The following HAAO variants were observed in gnomAD, a reference collection of about 807,000 sequenced individuals.
HAAO encodes the protein 3-hydroxyanthranilate oxygenase.
Under a neutral mutation model 46.2 loss-of-function variants are expected in HAAO, and 49 were observed. The observed-to-expected ratio is 1.06, with a 90% CI of 0.84 to 1.34. The LOEUF is 1.34. Among genes scored for constraint, HAAO ranks in the 40% most tolerant of loss-of-function variants. The pLI, the probability that HAAO is intolerant of heterozygous loss-of-function variation, is 0.00. For missense variants in HAAO, 408 were observed against 364.5 expected, an observed-to-expected ratio of 1.12 and a Z score of -0.97; for synonymous variants, 157 against 145.2, an observed-to-expected ratio of 1.08 and a Z score of -0.58.
Position 42,783,312 on chromosome 2 carries a change from A to G in HAAO, c.350+2T>C. 6.3e-7 allele frequency: 1 copy of G among 1,588,164 alleles called. No individual in the cohort carries two copies. The highest frequency in any genetic ancestry group is 8.6e-7 in the Non-Finnish European group (1 of 1,158,534). The stretch of plus-strand genomic sequence containing the variant: ...TGCCCCAGCCCTCCAGACAGAATTT[A>G]CCTGAGCCCATCTAGCTCGGTCTCC... On this transcript the variant is annotated splice_donor_variant, in intron 4 of 9. Transcript: ENST00000294973. LOFTEE classifies it high-confidence loss of function.
Position 42,770,534 on chromosome 2 carries a change from G to A in HAAO, c.399C>T (p.Tyr133=), listed in dbSNP as rs201129834. Residue 133 remains tyrosine, a synonymous_variant, in exon 5 of 10, where the codon TAC becomes TAT. Coordinates refer to ENST00000294973, the MANE Select transcript of HAAO (RefSeq NM_012205.3). ...CCAACTGCGTGCCGAGGTCCTTGCA[G>A]TAGAACCACTTCTCAAACAGAACGT... ...TMDVLFEKWF[Y]CKDLGTQLAP... is the part of the protein sequence containing the mutation. 3.2e-5 allele frequency: 50 copies of A among 1,553,474 alleles called. No individual in the cohort carries two copies. The East Asian group carries it at 9.0e-4, about 28-fold the overall frequency.
chr2:42,767,756 C>T (rs1395778782), intron 8 of HAAO, 79 bp from the exon 9 acceptor site: 1 of 1,533,276 alleles, frequency 6.5e-7, no homozygotes, highest in South Asian at 1.1e-5. Context: ...CTGCCTGGGC[C>T]CCAAGGCCCC....
intron 8 of HAAO, 54 bp from the exon 9 acceptor site, chr2:42,767,731 G>C (rs1670772895): frequency 1.9e-6 from 3 of 1,547,522 alleles, no homozygotes. Context: ...TCATCACCTG[G>C]GTGAATGTCT....
intron 4 of HAAO, chr2:42,782,845 A>G (rs1205835582): frequency 2.2e-6 from 1 of 453,040 alleles, no homozygotes; most frequent in South Asian, 1.6e-5. Context: ...GACAGAACCA[A>G]TGTTTATCTT....
At chr2:42,788,738 C>T (rs929524220) in intron 1 of HAAO, 131 bp from the exon 2 acceptor site, 4 of 693,828 alleles carry the variant, frequency 5.8e-6, no homozygotes, top group African/African-American at 5.3e-5. Flanking sequence ...GCCTCACTGT[C>T]CCTGTTCCCC....
intron 4 of HAAO, among the ~76,000 whole-genome samples, chr2:42,774,605 T>A (rs541059214): frequency 2.0e-5 from 3 of 152,046 alleles, no homozygotes; most frequent in African/African-American, 7.2e-5. Context: ...GAAAAGGAGG[T>A]TTTTTTCCTG....
chr2:42,767,710 A>G, intron 8 of HAAO, 33 bp from the exon 9 acceptor site: 1 of 1,557,654 alleles, frequency 6.4e-7, no homozygotes, highest in East Asian at 2.3e-5. Context: ...TCAAATGGAG[A>G]CTGTTGGGCC....
rs140165694 is a variant in HAAO, at chr2:42,769,718, T to A, written c.625A>T (p.Thr209Ser). ...PLSLFGDTYE[T>S]QVIAYGQGSS... Reference sequence around the variant, plus strand: ...ATGCCCCAGGACTACATTACCTGGGTCTCATAGGTGTCCCCAAACAGGCTG... The same window carrying A: ...ATGCCCCAGGACTACATTACCTGGGACTCATAGGTGTCCCCAAACAGGCTG... Residue 209 changes from threonine (T) to serine (S), a missense_variant, in exon 7 of 10, where the codon ACC becomes TCC. Coordinates refer to ENST00000294973, the MANE Select transcript of HAAO (RefSeq NM_012205.3). 5.4e-4 allele frequency: 874 copies of A among 1,610,096 alleles called. 1 individual carries two copies. The highest frequency in any genetic ancestry group is 6.6e-4 in the Non-Finnish European group (778 of 1,178,144).
intron 1 of HAAO, among the ~76,000 whole-genome samples, chr2:42,790,089 C>T (rs1432119291): frequency 6.6e-6 from 1 of 152,112 alleles, no homozygotes; most frequent in Non-Finnish European, 1.5e-5. Context: ...GAGGTCTGAG[C>T]CCCCAAACTA....
intron 4 of HAAO, among the ~76,000 whole-genome samples, chr2:42,780,561 A>C (rs1000404083): frequency 3.3e-5 from 5 of 151,986 alleles, no homozygotes; most frequent in African/African-American, 1.2e-4. Context: ...GTGACATTAG[A>C]ATAGAGAAGA....
chr2:42,769,737 C>T lies in HAAO; in HGVS notation c.606G>A (p.Leu202=), dbSNP rs1468017317. The T allele has an allele frequency of 5.0e-6, 8 of 1,612,962 alleles. No individual in the cohort carries two copies. The highest frequency in any genetic ancestry group is 4.5e-5 in the East Asian group (2 of 44,880). ...RELQAGTPLS[L]FGDTYETQVI... is the part of the protein sequence containing the mutation. Reference sequence around the variant, plus strand: ...CCTGGGTCTCATAGGTGTCCCCAAACAGGCTGAGTGGTGTGCCTGCCTGCA... The same window carrying T: ...CCTGGGTCTCATAGGTGTCCCCAAATAGGCTGAGTGGTGTGCCTGCCTGCA... The change falls in exon 7 of 10, where the codon CTG becomes CTA. Residue 202 remains leucine, a synonymous_variant. Coordinates refer to ENST00000294973, the MANE Select transcript of HAAO (RefSeq NM_012205.3).
At chr2:42,779,334 T>G (rs1162858873) in intron 4 of HAAO, among the ~76,000 whole-genome samples, 2 of 151,834 alleles carry the variant, frequency 1.3e-5, no homozygotes, top group African/African-American at 2.4e-5. Context: ...CATGCTATTT[T>G]TTTTTTTGAG....
intron 7 of HAAO, among the ~76,000 whole-genome samples, chr2:42,768,995 C>A (rs952103792): frequency 1.3e-5 from 2 of 152,222 alleles, no homozygotes; most frequent in Non-Finnish European, 2.9e-5. Context: ...CCCTTTCTTT[C>A]TTTTACAAAC....
Position 42,792,570 on chromosome 2 carries a change from T to A in HAAO, c.-34A>T. The A allele has an allele frequency of 1.4e-6, 2 of 1,478,094 alleles. No homozygotes were observed. The highest frequency in any genetic ancestry group is 1.8e-6 in the Non-Finnish European group (2 of 1,106,990). The allele number at this position is 1,478,094 out of a possible 1,614,324, so 91.6% of individuals were successfully genotyped here. ...CGGGCGCCTCCTCGCAGCGCTGTCC[T>A]CCCGCCGTCGGAGGCCCGCAGCTCC... On this transcript the variant is annotated 5_prime_UTR_variant, in exon 1 of 10. Transcript: ENST00000294973.
At chr2:42,767,977 G>A in intron 7 of HAAO, 49 bp from the exon 8 acceptor site, 1 of 1,544,812 alleles carries the variant, frequency 6.5e-7, no homozygotes, top group Non-Finnish European at 8.9e-7. Context: ...CCCCACATGG[G>A]AGATGGTCTT....
chr2:42,787,798 G>C (rs952997103), intron 2 of HAAO, among the ~76,000 whole-genome samples: 1 of 152,088 alleles, frequency 6.6e-6, no homozygotes. Flanking sequence ...TTCCACCAGA[G>C]GAGATTCTGT....
intron 4 of HAAO, among the ~76,000 whole-genome samples, chr2:42,777,059 T>C (rs889117973): frequency 4.6e-5 from 7 of 150,742 alleles, no homozygotes; most frequent in Non-Finnish European, 8.9e-5. Context: ...CCCAGCACTT[T>C]GGGAGGCCGA....
In HAAO at chr2:42,769,133, T is replaced by C. The variant is rs143406957; in HGVS notation, c.630+580A>G. ...CCTATAGCTTTTCTATCTGATACTT[T>C]ATCACATGATTGTGGCAATTGTTGA... On this transcript the variant is annotated intron_variant, in intron 7 of 9. Transcript: ENST00000294973. 6.6e-5 allele frequency among the ~76,000 whole-genome samples: 10 copies of C among 152,378 alleles called. 1 individual carries two copies. The East Asian group carries it at 7.7e-4, about 12-fold the overall frequency.
At position 42,769,833 on chromosome 2, in the gene HAAO, G is replaced by C. The variant is rs1573899604; in HGVS notation, c.510C>G (p.Phe170Leu). 2 of 1,613,070 alleles carry C rather than the reference G, an allele frequency of 1.2e-6. No individual in the cohort carries two copies. The highest frequency in any genetic ancestry group is 2.2e-5 in the South Asian group (2 of 90,912). Residue 170 changes from phenylalanine (F) to leucine (L), a missense_variant, in exon 7 of 10, where the codon TTC (phenylalanine) becomes TTG (leucine). Phe to Leu is a conservative substitution (Grantham distance 22). Transcript: ENST00000294973. ...CCATGATGGATCGTGTGCTCAGAGG[G>C]AATGGTGGCTCCTTGAGCAGCTGGT... ...IPDQLLKEPP[F>L]PLSTRSIMEP...
Sources: allele counts gnomAD v4.1 joint callset (sites outside exome capture counted in the v4.1 genomes callset), GRCh38; gene constraint gnomAD v4.1.1; transcripts MANE v1.5; gene names NCBI Gene and HGNC (gene_info 2026-07-23, HGNC 2026-07-21).